SYNE1: variants seen among roughly 807,000 people sequenced by gnomAD.
SYNE1 encodes the protein nesprin-1.
In SYNE1, 616 loss-of-function variants were observed where a neutral mutation model predicts 1,111.0. The observed-to-expected ratio is 0.55, with a 90% CI of 0.52 to 0.59. The LOEUF (loss-of-function observed/expected upper bound fraction) is 0.59, where lower values mean the gene tolerates loss of function less well. SYNE1 is among the 20% of genes least tolerant of loss of function. SYNE1 has a pLI of 0.00. For missense variants in SYNE1, 10,006 were observed against 10,417.0 expected (o/e 0.96, Z 1.72); for synonymous variants, 3,855 against 3,825.8 (o/e 1.01, Z -0.28).
chr6:152,411,435 T>C (rs113755155), intron 42 of SYNE1, among the ~76,000 whole-genome samples: 303 of 152,324 alleles, frequency 2.0e-3, no homozygotes, highest in African/African-American at 7.0e-3. Context: ...GTAGGTCTTG[T>C]GCTTTTATGT....
chr6:152,164,026 C>T, intron 131 of SYNE1, 137 bp downstream of exon 131: 7 of 1,192,850 alleles, frequency 5.9e-6, no homozygotes, highest in Middle Eastern at 1.9e-4. Flanking sequence ...CTAGGCAAAG[C>T]CCCCTTCCTC....
In SYNE1 at chr6:152,430,474, A is replaced by C. The variant is rs2098418980; in HGVS notation, c.4689+8T>G. ...TGTAAACTTAAGTATAGGTGGATCA[A>C]TTCTTACCTTTCTAAGGTTCTCTTC... On this transcript the variant is annotated splice_region_variant and intron_variant, in intron 35 of 145. Transcript: ENST00000367255. 2 of 1,612,034 alleles carry C rather than the reference A, an allele frequency of 1.2e-6. No homozygotes were observed. The highest frequency in any genetic ancestry group is 1.7e-6 in the Non-Finnish European group (2 of 1,178,246).
At chr6:152,439,513 G>A (rs1303071553) in intron 32 of SYNE1, among the ~76,000 whole-genome samples, 1 of 152,104 alleles carries the variant, frequency 6.6e-6, no homozygotes, top group Non-Finnish European at 1.5e-5. Context: ...ACAGGCATGA[G>A]CCATCGTACC....
intron 3 of SYNE1, among the ~76,000 whole-genome samples, chr6:152,563,261 C>T (rs1167033507): frequency 6.6e-6 from 1 of 152,136 alleles, no homozygotes; most frequent in Non-Finnish European, 1.5e-5. Context: ...TTCCAACTCT[C>T]CTAGCAGCAT....
intron 3 of SYNE1, among the ~76,000 whole-genome samples, chr6:152,615,377 T>C (rs1053740197): frequency 6.6e-6 from 1 of 152,120 alleles, no homozygotes; most frequent in African/African-American, 2.4e-5. Context: ...ATTGTTATCA[T>C]CATATTAAAT....
chr6:152,464,453 TG>T (rs2098752840), intron 18 of SYNE1, among the ~76,000 whole-genome samples: 1 of 152,198 alleles, frequency 6.6e-6, no homozygotes, highest in Non-Finnish European at 1.5e-5. Flanking sequence ...AAAATCTGTA[TG>T]GGTACATAGT....
chr6:152,493,416 T>C (rs1193203041), intron 11 of SYNE1, among the ~76,000 whole-genome samples: 1 of 152,094 alleles, frequency 6.6e-6, no homozygotes, highest in Non-Finnish European at 1.5e-5. Flanking sequence ...CGCTTTCATT[T>C]GGACTGACCC....
chr6:152,477,217 G>A (rs1227237309), intron 14 of SYNE1, among the ~76,000 whole-genome samples: 2 of 152,012 alleles, frequency 1.3e-5, no homozygotes, highest in Non-Finnish European at 2.9e-5. Flanking sequence ...ACATTATAGT[G>A]CAGAAAATCA....
intron 144 of SYNE1, among the ~76,000 whole-genome samples, chr6:152,131,265 A>C (rs1233170036): frequency 6.6e-6 from 1 of 152,016 alleles, no homozygotes; most frequent in Non-Finnish European, 1.5e-5. Flanking sequence ...TTAAAATTTG[A>C]CTTGAAAAGC....
Position 152,140,017 on chromosome 6 carries a change from T to A in SYNE1, c.25391A>T (p.Glu8464Val). 6.2e-7 allele frequency: 1 copy of A among 1,614,116 alleles called. No homozygotes were observed. The highest frequency in any genetic ancestry group is 1.1e-5 in the South Asian group (1 of 91,080). The change falls in exon 140 of 146, where the codon GAA (glutamate) becomes GTA (valine). Residue 8464 changes from glutamate to valine, a missense_variant. Around this residue, in one of 7 missense-constraint regions of SYNE1, gnomAD observed 761 missense variants for 795.5 expected, o/e 0.96. Transcript: ENST00000367255. ...GCTGAGTTCCAGACGCTGGAGCTGT[T>A]CCAACTCCTCCTCCGTGTCCCCCAG... The part of the protein sequence containing the change: ...AWLGDTEEEL[E>V]QLQRLELSTD...
chr6:152,619,436 G>T (rs892069756), intron 3 of SYNE1, among the ~76,000 whole-genome samples: 4 of 151,796 alleles, frequency 2.6e-5, no homozygotes, highest in Non-Finnish European at 4.4e-5. Context: ...TTCCATCCAG[G>T]TTTTCATGGA....
intron 6 of SYNE1, among the ~76,000 whole-genome samples, chr6:152,519,505 C>T (rs2099128479): frequency 6.6e-6 from 1 of 152,068 alleles, no homozygotes. Flanking sequence ...TGAATTTTAA[C>T]TACGTAACAA....
intron 73 of SYNE1, among the ~76,000 whole-genome samples, chr6:152,346,690 G>C (rs1332003796): frequency 2.0e-5 from 3 of 151,922 alleles, no homozygotes; most frequent in Non-Finnish European, 4.4e-5. Context: ...GGCGCCTGTA[G>C]TCCCAGCTAC....
intron 34 of SYNE1, 68 bp from the exon 35 acceptor site, chr6:152,430,777 T>G: frequency 7.2e-7 from 1 of 1,381,948 alleles, no homozygotes; most frequent in Non-Finnish European, 1.0e-6. Flanking sequence ...ATGATACAAT[T>G]ATCTGCAAAG....
chr6:152,328,832 G>A (rs13206045), intron 78 of SYNE1, among the ~76,000 whole-genome samples: 1 of 152,042 alleles, frequency 6.6e-6, no homozygotes. Flanking sequence ...AAGTAATTAC[G>A]AGTATTCTAG....
chr6:152,506,296 C>G (rs2099057961), intron 8 of SYNE1, among the ~76,000 whole-genome samples: 1 of 151,872 alleles, frequency 6.6e-6, no homozygotes, highest in Non-Finnish European at 1.5e-5. Flanking sequence ...GGCTGCACCC[C>G]TTGAATAAGT....
intron 16 of SYNE1, 72 bp downstream of exon 16, chr6:152,471,525 A>C: frequency 6.9e-7 from 1 of 1,444,930 alleles, no homozygotes; most frequent in Non-Finnish European, 9.7e-7. Context: ...AAATAACAAC[A>C]TCAAAGAAAC....
At chr6:152,526,894 T>C (rs2099166157) in intron 4 of SYNE1, among the ~76,000 whole-genome samples, 1 of 152,206 alleles carries the variant, frequency 6.6e-6, no homozygotes, top group Non-Finnish European at 1.5e-5. Context: ...GAGCATCTTT[T>C]ATTTTTTTAT....
At chr6:152,154,748 T>C in intron 133 of SYNE1, 144 bp downstream of exon 133, 1 of 888,348 alleles carries the variant, frequency 1.1e-6, no homozygotes, top group Non-Finnish European at 1.8e-6. Context: ...TATGAGGTCA[T>C]AATAAAGATG....
Sources: allele counts gnomAD v4.1 joint callset (sites outside exome capture counted in the v4.1 genomes callset), GRCh38; gene constraint gnomAD v4.1.1; regional missense constraint gnomAD v4.1.1; transcripts MANE v1.5; gene names NCBI Gene and HGNC (gene_info 2026-07-23, HGNC 2026-07-21).